Variants in FARP1 observed in about 807,000 individuals in gnomAD.
The protein encoded by FARP1 is FERM, ARHGEF and pleckstrin domain-containing protein 1.
A neutral mutation model predicts 128.8 loss-of-function variants in FARP1; 52 were observed. The ratio of observed to expected loss-of-function variants is 0.40; its 90% confidence interval spans 0.32 to 0.51. The LOEUF (loss-of-function observed/expected upper bound fraction) is 0.51. Among genes scored for constraint, FARP1 ranks in the 20% least tolerant of loss-of-function variants. FARP1 has a pLI of 0.45. For missense variants in FARP1, 1,333 were observed against 1,367.9 expected, an observed-to-expected ratio of 0.97 and a Z score of 0.40; for synonymous variants, 580 against 551.8, an observed-to-expected ratio of 1.05 and a Z score of -0.72.
intron 3 of FARP1, among the ~76,000 whole-genome samples, chr13:98,354,989 T>C (rs7324435): frequency 0.012 from 1,777 of 152,312 alleles, 25 homozygotes; most frequent in African/African-American, 0.036. Context: ...TTATACTGAT[T>C]ACATATTTAA....
chr13:98,239,492 T>G (rs1440441764), intron 2 of FARP1, among the ~76,000 whole-genome samples: 1 of 152,224 alleles, frequency 6.6e-6, no homozygotes, highest in Non-Finnish European at 1.5e-5. Context: ...ATACGATTTC[T>G]ACACTGTGGA....
chr13:98,203,036 T>G lies in FARP1; in HGVS notation c.-23-10184T>G, dbSNP rs374395353. Among the ~76,000 whole-genome samples the G allele has an allele frequency of 3.3e-5, 5 of 152,284 alleles. No individual in the cohort carries two copies. The South Asian group carries it at 6.2e-4, about 19-fold the overall frequency. ...CCCCTGGCCCAAATTACTTCTTAAT[T>G]AAACATATAGGTATATGGTACAAAA... On this transcript the variant is annotated intron_variant, in intron 1 of 26. Coordinates refer to ENST00000319562, the MANE Select transcript of FARP1 (RefSeq NM_005766.4).
chr13:98,249,007 A>G (rs1313241416), intron 2 of FARP1, among the ~76,000 whole-genome samples: 3 of 152,210 alleles, frequency 2.0e-5, no homozygotes, highest in African/African-American at 7.2e-5. Flanking sequence ...TCAACAGTGT[A>G]TATTAAGTAA....
At chr13:98,226,667 T>C (rs1881791438) in intron 2 of FARP1, among the ~76,000 whole-genome samples, 1 of 152,210 alleles carries the variant, frequency 6.6e-6, no homozygotes, top group African/African-American at 2.4e-5. Flanking sequence ...CTGGGACATT[T>C]TCCCAGTAAG....
chr13:98,291,950 GAAACA>G (rs1885469649), intron 2 of FARP1, among the ~76,000 whole-genome samples: 1 of 152,218 alleles, frequency 6.6e-6, no homozygotes, highest in Non-Finnish European at 1.5e-5. Flanking sequence ...CCTTGGTGGG[GAAACA>G]ATAGCTTCTG....
chr13:98,225,914 ACC>A (rs999852877), intron 2 of FARP1, among the ~76,000 whole-genome samples: 1 of 152,104 alleles, frequency 6.6e-6, no homozygotes, highest in Non-Finnish European at 1.5e-5. Flanking sequence ...CATCCCTTTT[ACC>A]CACATGCACT....
At chr13:98,251,826 A>G (rs1278288693) in intron 2 of FARP1, among the ~76,000 whole-genome samples, 1 of 152,188 alleles carries the variant, frequency 6.6e-6, no homozygotes, top group Admixed American at 6.5e-5. Flanking sequence ...TTGGATAGTA[A>G]TATAGCTAAT....
chr13:98,358,151 G>C (rs1439471225), intron 3 of FARP1, among the ~76,000 whole-genome samples: 1 of 145,306 alleles, frequency 6.9e-6, no homozygotes, highest in African/African-American at 2.6e-5. Context: ...AGTTTTTTTT[G>C]GGTATCTCTC....
chr13:98,214,330 CTCT>C lies in FARP1; in HGVS notation c.171+919_171+921del, dbSNP rs1257105834. ...CCTCTCATCGGCTCAGTCCAGAGAACTCTTAACACTCCTCGGATCTAGTATTTT... is the reference window on the plus strand; with the variant it reads ...CCTCTCATCGGCTCAGTCCAGAGAACTAACACTCCTCGGATCTAGTATTTT... On this transcript the variant is annotated intron_variant, in intron 2 of 26. Coordinates refer to ENST00000319562, the MANE Select transcript of FARP1 (RefSeq NM_005766.4). Among the ~76,000 whole-genome samples the C allele has an allele frequency of 5.3e-5, 8 of 152,220 alleles. No individual in the cohort carries two copies. In the East Asian group the frequency reaches 1.4e-3, roughly 26 times the overall value.
At chr13:98,310,882 T>C (rs1886428933) in intron 2 of FARP1, among the ~76,000 whole-genome samples, 1 of 152,170 alleles carries the variant, frequency 6.6e-6, no homozygotes, top group Non-Finnish European at 1.5e-5. Context: ...TCTTTGGAAA[T>C]GCAGGGTCAG....
intron 2 of FARP1, among the ~76,000 whole-genome samples, chr13:98,280,275 C>G (rs907059365): frequency 6.6e-6 from 1 of 152,210 alleles, no homozygotes. Flanking sequence ...ATGCCCTCCC[C>G]CTCCACACCC....
intron 3 of FARP1, among the ~76,000 whole-genome samples, chr13:98,358,056 C>G (rs1381806879): frequency 1.3e-5 from 2 of 151,906 alleles, no homozygotes; most frequent in Non-Finnish European, 2.9e-5. Flanking sequence ...GCACTGTTAC[C>G]TCTAATACAT....
chr13:98,388,275 G>GCCTGC, intron 8 of FARP1, 108 bp from the exon 9 acceptor site: 1 of 746,708 alleles, frequency 1.3e-6, no homozygotes, highest in Admixed American at 2.0e-5. Context: ...TCTCTACTGA[G>GCCTGC]CAGTCGCCTG....
At chr13:98,337,538 CGTGTGTGTGT>C (rs60625244) in intron 2 of FARP1, among the ~76,000 whole-genome samples, 4,326 of 132,066 alleles carry the variant, frequency 0.033, 156 homozygotes, top group African/African-American at 0.091. Flanking sequence ...TCTGTGTAGC[CGTGTGTGTGT>C]GTGTGTGTGT....
At chr13:98,287,208 C>CTTT (rs71111939) in intron 2 of FARP1, among the ~76,000 whole-genome samples, 10 of 75,844 alleles carry the variant, frequency 1.3e-4, no homozygotes, top group Non-Finnish European at 1.7e-4. Flanking sequence ...TCAGACATGT[C>CTTT]TTTTTTTTTT....
rs928372356 is a variant in FARP1 at position 98,388,468 on chromosome 13, C to T, written c.845C>T (p.Pro282Leu). The T allele has an allele frequency of 1.9e-6, 3 of 1,613,416 alleles. No individual in the cohort carries two copies. The highest frequency in any genetic ancestry group is 2.5e-6 in the Non-Finnish European group (3 of 1,179,450). Residue 282 changes from proline (P) to leucine (L), a missense_variant, in exon 9 of 27, where the codon CCA (proline) becomes CTA (leucine). Pro to Leu is a moderately conservative substitution (Grantham distance 98). Around this residue, in one of 2 missense-constraint regions of FARP1, gnomAD observed 324 missense variants for 398.1 expected, o/e 0.81. Coordinates refer to ENST00000319562, the MANE Select transcript of FARP1 (RefSeq NM_005766.4). ...AAGCGCTTTCTCATCAAGCTCCGGC[C>T]AGATGCCAATGTAAGTGGTCCTGGC... The part of the protein sequence containing the change: ...KRKRFLIKLR[P>L]DANSAYQDTL...
At chr13:98,314,995 T>A (rs2139762868) in intron 2 of FARP1, among the ~76,000 whole-genome samples, 1 of 152,220 alleles carries the variant, frequency 6.6e-6, no homozygotes, top group Non-Finnish European at 1.5e-5. Flanking sequence ...AGAGAGAAGC[T>A]AAAACACCCA....
chr13:98,242,358 C>G lies in FARP1; in HGVS notation c.171+28945C>G, dbSNP rs149949996. On this transcript the variant is annotated intron_variant, in intron 2 of 26. Transcript: ENST00000319562. ...ATAGGAAACTTATTTCAGAGGGGATCATTTTTCATCCTAAAGAGGATTTTT... is the reference window on the plus strand; with the variant it reads ...ATAGGAAACTTATTTCAGAGGGGATGATTTTTCATCCTAAAGAGGATTTTT... 4.7e-3 allele frequency among the ~76,000 whole-genome samples: 722 copies of G among 152,182 alleles called. 7 individuals are homozygous for G. Among genetic ancestry groups the G allele is most frequent in the African/African-American group, 0.016 (666 of 41,520 alleles).
At chr13:98,432,378 T>C (rs1892066066) in intron 18 of FARP1, 1 of 152,330 alleles carries the variant, frequency 6.6e-6, no homozygotes, top group African/African-American at 2.4e-5. Context: ...ACTTGCTGGG[T>C]CACTCAGAGG....
Sources: gnomAD v4.1 joint callset for allele counts (sites outside exome capture counted in the v4.1 genomes callset) on GRCh38, gnomAD v4.1.1 for gene constraint, gnomAD v4.1.1 regional missense constraint, MANE v1.5 for transcripts, NCBI Gene and HGNC (gene_info 2026-07-23, HGNC 2026-07-21) for gene names.